TTC7B: variants seen among roughly 807,000 people sequenced by gnomAD.
The protein encoded by TTC7B is tetratricopeptide repeat protein 7B.
Under a neutral mutation model 106.8 loss-of-function variants are expected in TTC7B, and 28 were observed. That is an observed-to-expected ratio of 0.26 (90% confidence interval 0.19 to 0.36). The LOEUF (loss-of-function observed/expected upper bound fraction) is 0.36. TTC7B is among the 10% of genes least tolerant of loss of function. The probability of loss-of-function intolerance (pLI) is 1.00; values close to 1 mark genes in which losing one functional copy is unlikely to be tolerated. For synonymous variants in TTC7B, 405 were observed against 430.6 expected, an observed-to-expected ratio of 0.94 and a Z score of 0.74; for missense variants, 862 against 1,076.4, an observed-to-expected ratio of 0.80 and a Z score of 2.79.
At chr14:90,813,516 T>A (rs904306941) in intron 1 of TTC7B, among the ~76,000 whole-genome samples, 1 of 152,092 alleles carries the variant, frequency 6.6e-6, no homozygotes, top group Non-Finnish European at 1.5e-5. Context: ...TTAACCCTCA[T>A]AACAACCCCT....
chr14:90,587,495 C>T (rs1347255980), intron 18 of TTC7B, among the ~76,000 whole-genome samples: 1 of 152,184 alleles, frequency 6.6e-6, no homozygotes, highest in Non-Finnish European at 1.5e-5. Flanking sequence ...TTCTATGCCT[C>T]CATCGTCCCT....
chr14:90,779,125 G>A (rs1372089367), intron 3 of TTC7B, among the ~76,000 whole-genome samples: 1 of 152,174 alleles, frequency 6.6e-6, no homozygotes, highest in Non-Finnish European at 1.5e-5. Context: ...ATGGCCAGAA[G>A]GACAGGAGCC....
intron 19 of TTC7B, among the ~76,000 whole-genome samples, chr14:90,567,884 C>T (rs747864812): frequency 3.9e-5 from 6 of 152,278 alleles, no homozygotes; most frequent in South Asian, 2.1e-4. Flanking sequence ...GACTCAGCCT[C>T]GATGCTGGGA....
rs1291758406 is a variant in TTC7B, at chr14:90,533,590, T to G, written c.*7778A>C. The stretch of plus-strand genomic sequence containing the variant: ...CGTAAGGGAAGTTACTCCCCGACCA[T>G]AGAGATGAGGAGACAGAGTGCTTCC... On this transcript the variant is annotated 3_prime_UTR_variant, in exon 20 of 20. Transcript: ENST00000328459. 1 of 152,270 alleles carries G rather than the reference T, an allele frequency of 6.6e-6. No homozygotes were observed. Among genetic ancestry groups the G allele is most frequent in the African/African-American group, 2.4e-5 (1 of 41,436 alleles). 9.4% of individuals were successfully genotyped at this position (152,270 alleles called of 1,614,324 possible).
chr14:90,686,802 C>T (rs1887267867), intron 7 of TTC7B, among the ~76,000 whole-genome samples: 1 of 152,030 alleles, frequency 6.6e-6, no homozygotes, highest in African/African-American at 2.4e-5. Flanking sequence ...TAGGAATAAG[C>T]GTAACAAAAG....
chr14:90,632,743 A>T (rs1884756317), intron 15 of TTC7B, among the ~76,000 whole-genome samples: 1 of 152,232 alleles, frequency 6.6e-6, no homozygotes, highest in South Asian at 2.1e-4. Context: ...TTCCAGGTGT[A>T]TAATCTTGGA....
chr14:90,692,794 T>C (rs1399155692), intron 6 of TTC7B, among the ~76,000 whole-genome samples: 2 of 152,316 alleles, frequency 1.3e-5, no homozygotes, highest in East Asian at 3.9e-4. Context: ...TTGTAGGTTC[T>C]TTTGCCTTGA....
intron 5 of TTC7B, among the ~76,000 whole-genome samples, chr14:90,700,782 T>C (rs981356039): frequency 7.0e-6 from 1 of 143,880 alleles, no homozygotes; most frequent in African/African-American, 2.6e-5. Context: ...ATACATACCA[T>C]GTATCTTCTA....
intron 19 of TTC7B, among the ~76,000 whole-genome samples, chr14:90,571,152 C>T (rs1323258043): frequency 6.6e-6 from 1 of 152,228 alleles, no homozygotes. Context: ...GCACACGCAG[C>T]AGACACGACA....
chr14:90,813,306 A>AT (rs1371082486), intron 1 of TTC7B, among the ~76,000 whole-genome samples: 3 of 152,154 alleles, frequency 2.0e-5, no homozygotes, highest in Admixed American at 6.5e-5. Flanking sequence ...TTACCTAATG[A>AT]TTATATTGAT....
At chr14:90,652,474 T>C (rs1302733281) in intron 13 of TTC7B, among the ~76,000 whole-genome samples, 1 of 124,226 alleles carries the variant, frequency 8.0e-6, no homozygotes, top group African/African-American at 3.2e-5. Flanking sequence ...ACCTGCAGTT[T>C]GACATGTTTT....
chr14:90,745,608 C>CAT (rs1889936860), intron 3 of TTC7B, among the ~76,000 whole-genome samples: 1 of 152,092 alleles, frequency 6.6e-6, no homozygotes, highest in African/African-American at 2.4e-5. Flanking sequence ...GTTAAACCAA[C>CAT]CTTCCTTTCC....
intron 3 of TTC7B, among the ~76,000 whole-genome samples, chr14:90,747,362 G>A (rs945831617): frequency 3.3e-5 from 5 of 152,154 alleles, no homozygotes; most frequent in African/African-American, 9.7e-5. Context: ...GTGCCTTTTT[G>A]CTTTTACTGA....
intron 19 of TTC7B, among the ~76,000 whole-genome samples, chr14:90,567,046 G>A (rs974058352): frequency 6.6e-6 from 1 of 152,086 alleles, no homozygotes; most frequent in African/African-American, 2.4e-5. Flanking sequence ...GGCGGGGGCG[G>A]GGAGGGGTGG....
At chr14:90,672,605 C>T (rs1028643974) in intron 9 of TTC7B, among the ~76,000 whole-genome samples, 1 of 152,228 alleles carries the variant, frequency 6.6e-6, no homozygotes, top group African/African-American at 2.4e-5. Context: ...TTCATAATCT[C>T]TTACTGGCAC....
chr14:90,545,973 T>G (rs1044915359), intron 19 of TTC7B, among the ~76,000 whole-genome samples: 1 of 152,208 alleles, frequency 6.6e-6, no homozygotes, highest in Non-Finnish European at 1.5e-5. Flanking sequence ...GAGCAATCTG[T>G]TCAGTGGAAT....
At position 90,780,822 on chromosome 14, in the gene TTC7B, C is replaced by A; in HGVS notation, c.361G>T (p.Ala121Ser). Residue 121 changes from alanine to serine, a missense_variant, in exon 3 of 20, where the codon GCC becomes TCC. By Grantham distance (99) the Ala-to-Ser change is moderately conservative. Coordinates refer to ENST00000328459, the MANE Select transcript of TTC7B (RefSeq NM_001010854.2). ...GGCAGATCGTCCAGGCCCACCCGGG[C>A]GTAAATGTTCAGAGCTTCTTTATAA... is the stretch of plus-strand genomic sequence containing the variant. ...GDYKEALNIY[A>S]RVGLDDLPLT... The A allele has an allele frequency of 6.2e-7, 1 of 1,614,264 alleles. No individual in the cohort carries two copies. The highest frequency in any genetic ancestry group is 1.1e-5 in the South Asian group (1 of 91,086).
intron 1 of TTC7B, among the ~76,000 whole-genome samples, chr14:90,794,462 G>A (rs532921103): frequency 1.3e-5 from 2 of 151,880 alleles, no homozygotes; most frequent in South Asian, 2.1e-4. Context: ...TCTTCACCTC[G>A]TGATCCACCT....
chr14:90,548,669 C>T (rs1037019033), intron 19 of TTC7B, among the ~76,000 whole-genome samples: 11 of 152,214 alleles, frequency 7.2e-5, no homozygotes, highest in African/African-American at 2.4e-4. Context: ...TGACACTGGG[C>T]AGGTGGCCAG....
Sources: allele counts gnomAD v4.1 joint callset (sites outside exome capture counted in the v4.1 genomes callset), GRCh38; gene constraint gnomAD v4.1.1; transcripts MANE v1.5; gene names NCBI Gene and HGNC (gene_info 2026-07-23, HGNC 2026-07-21).